Variants in BABAM2 observed in about 807,000 individuals in gnomAD.
BABAM2 encodes BRISC and BRCA1-A complex member 2.
A neutral mutation model predicts 54.7 loss-of-function variants in BABAM2; 31 were observed. The ratio of observed to expected loss-of-function variants is 0.57; its 90% CI spans 0.43 to 0.77. The LOEUF is 0.77. Among genes scored for constraint, BABAM2 ranks in the 30% least tolerant of loss-of-function variants. The pLI is 0.00. For synonymous variants in BABAM2, 167 were observed against 162.9 expected, an observed-to-expected ratio of 1.03 and a Z score of -0.19; for missense variants, 364 against 455.8, an observed-to-expected ratio of 0.80 and a Z score of 1.83.
chr2:28,016,079 G>C, intron 4 of BABAM2: 3 of 779,784 alleles, frequency 3.8e-6, no homozygotes, highest in Non-Finnish European at 6.5e-6. Flanking sequence ...TTATGTGAAC[G>C]GTTCTTTTTC....
At chr2:28,153,617 C>G (rs1277720087) in intron 7 of BABAM2, among the ~76,000 whole-genome samples, 1 of 152,188 alleles carries the variant, frequency 6.6e-6, no homozygotes, top group Non-Finnish European at 1.5e-5. Flanking sequence ...CTTCCTGGAA[C>G]CCCAAAGCAG....
chr2:28,120,582 C>T (rs1449582478), intron 6 of BABAM2, among the ~76,000 whole-genome samples: 2 of 152,170 alleles, frequency 1.3e-5, no homozygotes, highest in Admixed American at 6.5e-5. Context: ...ACAGTTGTTA[C>T]GAAGATTAGA....
In BABAM2 at chr2:28,304,751, AT is replaced by A. The variant is rs111542347; in HGVS notation, c.1088+6270del. ...CTGCCACGCCAGGCTAATTTTTTGT[AT>A]TTTTTTTTTAGTAGAGACGGAGTTT... On this transcript the variant is annotated intron_variant, in intron 11 of 11. Coordinates refer to ENST00000379624, the MANE Select transcript of BABAM2 (RefSeq NM_199191.3). This position sits in a 1 kb window ranked among gnomAD's most constrained non-coding sequence, Gnocchi z 4.0. Among the ~76,000 whole-genome samples, 19 of 147,626 alleles carry A rather than the reference AT, an allele frequency of 1.3e-4. No homozygotes were observed. Among genetic ancestry groups the A allele is most frequent in the Non-Finnish European group, 1.7e-4 (11 of 66,416 alleles).
At chr2:27,890,241 C>G, upstream of BABAM2, 1 of 1,612,248 alleles carries the variant, frequency 6.2e-7, no homozygotes, top group Non-Finnish European at 8.5e-7. The surrounding 1 kb of genome is among the most constrained non-coding windows in gnomAD (Gnocchi z 4.8). Context: ...GACTGAGTAA[C>G]TGGCCCCGGA....
rs72857123 is a variant in BABAM2, at chr2:28,264,316, A to G, written c.934+19454A>G. ...ACATTCCTTTTCTAGAGGAACTCAC[A>G]GTCTTATATACACAGATTCCCTGTA... On this transcript the variant is annotated intron_variant, in intron 10 of 11. Coordinates refer to ENST00000379624, the MANE Select transcript of BABAM2 (RefSeq NM_199191.3). Among the ~76,000 whole-genome samples the G allele has an allele frequency of 8.5e-3, 1,292 of 152,342 alleles. 11 individuals are homozygous for G. The highest frequency in any genetic ancestry group is 0.029 in the African/African-American group (1,209 of 41,574).
At chr2:28,073,508 A>G (rs1664362768) in intron 6 of BABAM2, among the ~76,000 whole-genome samples, 1 of 152,208 alleles carries the variant, frequency 6.6e-6, no homozygotes. Context: ...TAAATAATCA[A>G]TAAGAAATCT....
intron 6 of BABAM2, among the ~76,000 whole-genome samples, chr2:28,111,129 T>G (rs1243319102): frequency 6.7e-6 from 1 of 148,180 alleles, no homozygotes; most frequent in East Asian, 1.9e-4. Context: ...CCACCACGCC[T>G]GGCTATTTTT....
chr2:28,196,836 C>CTTTTTTTTT (rs759950166), intron 7 of BABAM2, among the ~76,000 whole-genome samples: 901 of 40,232 alleles, frequency 0.022, 286 homozygotes, highest in Non-Finnish European at 0.025. Flanking sequence ...GAGACCCTGT[C>CTTTTTTTTT]TTTTTTTTTT....
chr2:28,323,685 T>C (rs1273790366), intron 11 of BABAM2, among the ~76,000 whole-genome samples: 1 of 152,148 alleles, frequency 6.6e-6, no homozygotes, highest in Non-Finnish European at 1.5e-5. Flanking sequence ...TTACCTCCCC[T>C]GTGACAGCAA....
At chr2:28,236,724 G>T (rs1292129202) in intron 7 of BABAM2, among the ~76,000 whole-genome samples, 1 of 152,174 alleles carries the variant, frequency 6.6e-6, no homozygotes, top group African/African-American at 2.4e-5. Flanking sequence ...TTGTGTCTTA[G>T]TGCTTGGATC....
chr2:28,160,642 T>C (rs1350867469), intron 7 of BABAM2, among the ~76,000 whole-genome samples: 1 of 152,170 alleles, frequency 6.6e-6, no homozygotes, highest in African/African-American at 2.4e-5. Context: ...TAATGTTTTT[T>C]TTTTTAGCAC....
intron 7 of BABAM2, among the ~76,000 whole-genome samples, chr2:28,193,360 G>A (rs1677145848): frequency 6.6e-6 from 1 of 152,150 alleles, no homozygotes; most frequent in Admixed American, 6.5e-5. Flanking sequence ...TGCTAAGTGG[G>A]CCCAACTCTG....
chr2:28,186,084 T>C (rs1676248809), intron 7 of BABAM2, among the ~76,000 whole-genome samples: 1 of 152,180 alleles, frequency 6.6e-6, no homozygotes, highest in Non-Finnish European at 1.5e-5. Flanking sequence ...ACACAGTGAC[T>C]CATGAATGCA....
At chr2:27,909,625 C>G (rs1666435534) in intron 2 of BABAM2, among the ~76,000 whole-genome samples, 1 of 152,190 alleles carries the variant, frequency 6.6e-6, no homozygotes, top group Admixed American at 6.5e-5. Context: ...GCCTGCCCCT[C>G]TGTTAGCATC....
intron 10 of BABAM2, among the ~76,000 whole-genome samples, chr2:28,288,177 T>C (rs2148214060): frequency 6.6e-6 from 1 of 152,196 alleles, no homozygotes; most frequent in Admixed American, 6.5e-5. Context: ...AGGGGCGCCC[T>C]CCAGACAGGG....
chr2:28,184,282 CT>C lies in BABAM2; in HGVS notation c.681-52919del, dbSNP rs1676016952. 7.4e-5 allele frequency among the ~76,000 whole-genome samples: 9 copies of C among 121,612 alleles called. No homozygotes were observed. In the East Asian group the frequency reaches 1.2e-3, roughly 17 times the overall value. 79.8% of individuals were successfully genotyped at this position (121,612 alleles called of 152,430 possible). A position where few individuals can be genotyped will look rare whatever the true frequency, so the allele number is the denominator to read the frequency against. On this transcript the variant is annotated intron_variant, in intron 7 of 11. Coordinates refer to ENST00000379624, the MANE Select transcript of BABAM2 (RefSeq NM_199191.3). ...TCCCTCCCTCTCTCTCTCTCTCTCT[CT>C]CTCCCCCCCTCCCTCTCTCCCTCTC...
intron 7 of BABAM2, among the ~76,000 whole-genome samples, chr2:28,174,682 T>C (rs1354476143): frequency 6.6e-6 from 1 of 152,112 alleles, no homozygotes; most frequent in Non-Finnish European, 1.5e-5. Flanking sequence ...CAGACTAACA[T>C]GGGGAGCTGC....
intron 6 of BABAM2, among the ~76,000 whole-genome samples, chr2:28,112,266 G>C (rs1053151836): frequency 1.4e-5 from 2 of 144,768 alleles, no homozygotes; most frequent in South Asian, 4.6e-4. Flanking sequence ...GTGCAGGTTT[G>C]TTACATAGGT....
At chr2:28,152,036 G>A (rs2147782171) in intron 7 of BABAM2, among the ~76,000 whole-genome samples, 1 of 152,272 alleles carries the variant, frequency 6.6e-6, no homozygotes, top group South Asian at 2.1e-4. Flanking sequence ...TTCAAAGGAT[G>A]ATTTAAATCT....
Sources: allele counts gnomAD v4.1 joint callset (sites outside exome capture counted in the v4.1 genomes callset), GRCh38; gene constraint gnomAD v4.1.1; non-coding constraint Gnocchi (gnomAD v3.1); transcripts MANE v1.5; gene names NCBI Gene and HGNC (gene_info 2026-07-23, HGNC 2026-07-21).